The following DNAJC13 variants were observed in gnomAD, a reference collection of about 807,000 sequenced individuals.
DNAJC13 encodes dnaJ homolog subfamily C member 13.
In DNAJC13, 75 loss-of-function variants were observed where a neutral mutation model predicts 290.5. The observed-to-expected ratio is 0.26, with a 90% CI of 0.21 to 0.31. The LOEUF (loss-of-function observed/expected upper bound fraction) is 0.31, where lower values mean the gene tolerates loss of function less well. DNAJC13 is among the 10% of genes least tolerant of loss of function. The pLI is 1.00. For synonymous variants in DNAJC13, 862 were observed against 892.0 expected (o/e 0.97, Z 0.60); for missense variants, 2,260 against 2,674.5 (o/e 0.85, Z 3.42).
intron 54 of DNAJC13, among the ~76,000 whole-genome samples, chr3:132,529,119 T>G (rs2107751829): frequency 6.6e-6 from 1 of 152,238 alleles, no homozygotes; most frequent in South Asian, 2.1e-4. Flanking sequence ...CTTTCTTCCT[T>G]CCCCCAACCT....
chr3:132,433,259 TCTCA>T (rs755161128), intron 1 of DNAJC13, among the ~76,000 whole-genome samples: 5 of 152,336 alleles, frequency 3.3e-5, no homozygotes, highest in East Asian at 1.9e-4. Context: ...AGAAACAGAA[TCTCA>T]CTCTATCACT....
intron 42 of DNAJC13, among the ~76,000 whole-genome samples, chr3:132,506,755 T>C (rs1432308665): frequency 6.6e-6 from 1 of 151,888 alleles, no homozygotes; most frequent in African/African-American, 2.4e-5. Flanking sequence ...TTTCACCATG[T>C]TGGCCAAGAT....
Position 132,525,296 on chromosome 3 carries a change from C to T in DNAJC13, c.6061-314C>T, listed in dbSNP as rs1401513845. ...CAGAGGTTGTGGTGAGCCGAGATCG[C>T]GCCATTGCACTCCAGCCTGGGCAAC... is the stretch of plus-strand genomic sequence containing the variant. On this transcript the variant is annotated intron_variant, in intron 51 of 55. Coordinates refer to ENST00000260818, the MANE Select transcript of DNAJC13 (RefSeq NM_015268.4). 1.4e-4 allele frequency among the ~76,000 whole-genome samples: 22 copies of T among 152,192 alleles called. No individual in the cohort carries two copies. In the East Asian group the frequency reaches 1.7e-3, roughly 12 times the overall value.
intron 21 of DNAJC13, among the ~76,000 whole-genome samples, chr3:132,474,604 T>G (rs1231399233): frequency 6.8e-6 from 1 of 146,054 alleles, no homozygotes; most frequent in South Asian, 2.2e-4. Flanking sequence ...ATATCAGGTG[T>G]TTTTTTTTTT....
At chr3:132,482,512 G>T (rs1934713216) in intron 27 of DNAJC13, among the ~76,000 whole-genome samples, 182 bp downstream of exon 27, 1 of 152,114 alleles carries the variant, frequency 6.6e-6, no homozygotes, top group Admixed American at 6.6e-5. Flanking sequence ...ATAAAATTAT[G>T]CCTTCAAACC....
At chr3:132,444,747 T>G (rs1396788576) in intron 2 of DNAJC13, among the ~76,000 whole-genome samples, 1 of 152,214 alleles carries the variant, frequency 6.6e-6, no homozygotes, top group African/African-American at 2.4e-5. Flanking sequence ...TAGTTCCTAT[T>G]AATTGATTAA....
chr3:132,512,232 T>C (rs1935798303), intron 44 of DNAJC13, among the ~76,000 whole-genome samples: 1 of 152,174 alleles, frequency 6.6e-6, no homozygotes, highest in Non-Finnish European at 1.5e-5. Context: ...ATCAAGTTTA[T>C]TAGAATTAAC....
At chr3:132,523,945 G>A (rs1936173528) in intron 51 of DNAJC13, 1 of 406,392 alleles carries the variant, frequency 2.5e-6, no homozygotes, top group African/African-American at 2.1e-5. Flanking sequence ...ATATTGAGAG[G>A]ATGCTATTTC....
chr3:132,504,008 A>G (rs1005843749), intron 41 of DNAJC13, among the ~76,000 whole-genome samples: 1 of 151,932 alleles, frequency 6.6e-6, no homozygotes, highest in African/African-American at 2.4e-5. Flanking sequence ...AAAAGACATT[A>G]AAATAAATGA....
intron 13 of DNAJC13, among the ~76,000 whole-genome samples, chr3:132,459,684 T>C (rs752878940): frequency 3.9e-5 from 6 of 152,180 alleles, no homozygotes; most frequent in Non-Finnish European, 7.3e-5. Flanking sequence ...TTACATGAAT[T>C]ATCTCATCTA....
chr3:132,517,763 GA>G (rs1472690158), intron 48 of DNAJC13, among the ~76,000 whole-genome samples: 10 of 150,266 alleles, frequency 6.7e-5, no homozygotes. Context: ...AGTTCAGTTT[GA>G]AAAAAAAAGT....
chr3:132,462,190 A>G (rs1056065406), intron 15 of DNAJC13, among the ~76,000 whole-genome samples: 4 of 152,162 alleles, frequency 2.6e-5, no homozygotes, highest in Non-Finnish European at 5.9e-5. Flanking sequence ...TTATTTTAGT[A>G]TCATTGATAT....
chr3:132,509,675 AC>A (rs1447712208), intron 43 of DNAJC13, among the ~76,000 whole-genome samples: 2 of 152,290 alleles, frequency 1.3e-5, no homozygotes, highest in Admixed American at 1.3e-4. Context: ...TTGGGAAGCC[AC>A]CCCAACCTTC....
At chr3:132,527,047 GC>G (rs1225168210) in intron 53 of DNAJC13, among the ~76,000 whole-genome samples, 2 of 152,118 alleles carry the variant, frequency 1.3e-5, no homozygotes, top group East Asian at 3.8e-4. Flanking sequence ...GTTGACTATA[GC>G]TAATAATACA....
intron 43 of DNAJC13, 82 bp downstream of exon 43, chr3:132,507,435 G>A (rs1427477219): frequency 6.2e-6 from 5 of 802,998 alleles, no homozygotes; most frequent in Admixed American, 2.3e-5. Context: ...ACTTTATAGA[G>A]GCACACTTCA....
intron 1 of DNAJC13, among the ~76,000 whole-genome samples, chr3:132,429,369 G>T (rs1471885136): frequency 2.6e-5 from 4 of 152,042 alleles, no homozygotes; most frequent in African/African-American, 9.7e-5. Flanking sequence ...GGGTGTAGAA[G>T]TTAAGGAGGT....
chr3:132,531,343 G>A (rs1936408550), intron 55 of DNAJC13, among the ~76,000 whole-genome samples: 1 of 152,092 alleles, frequency 6.6e-6, no homozygotes, highest in Non-Finnish European at 1.5e-5. Context: ...CAGTTAATTG[G>A]GTCATAGAAT....
At chr3:132,506,910 C>A (rs557139403) in intron 42 of DNAJC13, among the ~76,000 whole-genome samples, 1 of 152,084 alleles carries the variant, frequency 6.6e-6, no homozygotes, top group African/African-American at 2.4e-5. Context: ...TGTCATCCTA[C>A]GTCTTACTAG....
At chr3:132,478,289 G>A (rs1169142429) in intron 24 of DNAJC13, 149 bp downstream of exon 24, 8 of 656,698 alleles carry the variant, frequency 1.2e-5, no homozygotes, top group Non-Finnish European at 1.7e-5. Flanking sequence ...ATTTAAATCT[G>A]AGTTAGATGA....
Sources: gnomAD v4.1 joint callset for allele counts (sites outside exome capture counted in the v4.1 genomes callset) on GRCh38, gnomAD v4.1.1 for gene constraint, MANE v1.5 for transcripts, NCBI Gene and HGNC (gene_info 2026-07-23, HGNC 2026-07-21) for gene names.